Variants in CHN2 observed in about 807,000 individuals in gnomAD.
CHN2 encodes beta-chimaerin.
In CHN2, 35 loss-of-function variants were observed where a neutral mutation model predicts 56.3. The ratio of observed to expected loss-of-function variants is 0.62; its 90% CI spans 0.47 to 0.82. The LOEUF is 0.82. Ranked by LOEUF, CHN2 falls within the 40% of genes least tolerant of loss-of-function variation. The pLI is 0.00. For synonymous variants in CHN2, 210 were observed against 212.8 expected (o/e 0.99, Z 0.12); for missense variants, 491 against 580.5 (o/e 0.85, Z 1.58).
chr7:29,228,912 C>A (rs981019726), intron 1 of CHN2, among the ~76,000 whole-genome samples: 4 of 152,366 alleles, frequency 2.6e-5, no homozygotes, highest in African/African-American at 9.6e-5. Flanking sequence ...TCTGCTTTCA[C>A]GCCCATTCTT....
chr7:29,239,881 G>A (rs1787516627), intron 1 of CHN2, among the ~76,000 whole-genome samples: 1 of 152,240 alleles, frequency 6.6e-6, no homozygotes, highest in Non-Finnish European at 1.5e-5. Flanking sequence ...TCCTATCAGG[G>A]AGAGGGACCC....
intron 1 of CHN2, among the ~76,000 whole-genome samples, chr7:29,253,524 A>G (rs1407095193): frequency 6.6e-6 from 1 of 152,196 alleles, no homozygotes; most frequent in Non-Finnish European, 1.5e-5. Flanking sequence ...GTTTGTGAGG[A>G]AGCAGGGAAT....
At chr7:29,189,236 G>A (rs1799102546) in intron 2 of CHN2, among the ~76,000 whole-genome samples, 1 of 152,098 alleles carries the variant, frequency 6.6e-6, no homozygotes, top group African/African-American at 2.4e-5. Flanking sequence ...ACAGGTGTGA[G>A]CCACCGCGCC....
chr7:29,471,277 C>G (rs547973170), intron 6 of CHN2, among the ~76,000 whole-genome samples: 3 of 152,298 alleles, frequency 2.0e-5, no homozygotes, highest in African/African-American at 7.2e-5. Context: ...ATAACAATGA[C>G]GTGTTGAAAT....
intron 1 of CHN2, among the ~76,000 whole-genome samples, chr7:29,333,807 A>T (rs943877767): frequency 6.6e-6 from 1 of 152,130 alleles, no homozygotes; most frequent in Non-Finnish European, 1.5e-5. Flanking sequence ...AGTATCTTTC[A>T]TAGTGGTGAG....
chr7:29,311,844 C>T (rs544812140), intron 1 of CHN2, among the ~76,000 whole-genome samples: 1 of 152,244 alleles, frequency 6.6e-6, no homozygotes, highest in East Asian at 1.9e-4. Context: ...TTTTAAGCAC[C>T]CACCTGAAAT....
intron 1 of CHN2, among the ~76,000 whole-genome samples, chr7:29,339,575 G>T (rs1042390001): frequency 2.6e-5 from 4 of 152,116 alleles, no homozygotes; most frequent in African/African-American, 9.7e-5. Flanking sequence ...AATGCTAGCC[G>T]GGCACGGTGG....
chr7:29,416,812 C>T (rs1288577958), intron 6 of CHN2, among the ~76,000 whole-genome samples: 1 of 152,112 alleles, frequency 6.6e-6, no homozygotes, highest in Non-Finnish European at 1.5e-5. Flanking sequence ...ATATTTCCAG[C>T]ATTTTTATAC....
rs10630481 is a variant in CHN2, at chr7:29,426,206, C to CAAAA, written c.576+25397_576+25400dup. On this transcript the variant is annotated intron_variant, in intron 6 of 12. Transcript: ENST00000222792. ...CCTGGGTGATAGCGAGACTCTGTCT[C>CAAAA]AAAAAAAAAAAAAAAAAAAAAAGAG... Among the ~76,000 whole-genome samples, 450 of 82,270 alleles carry CAAAA rather than the reference C, an allele frequency of 5.5e-3. 7 individuals are homozygous for CAAAA. The highest frequency in any genetic ancestry group is 6.4e-3 in the African/African-American group (161 of 25,350). 54.0% of individuals were successfully genotyped at this position (82,270 alleles called of 152,430 possible).
chr7:29,401,002 G>A, intron 6 of CHN2, 174 bp downstream of exon 6: 1 of 650,086 alleles, frequency 1.5e-6, no homozygotes, highest in Non-Finnish European at 2.6e-6. Context: ...GGCCGGGCGT[G>A]GTGGCTCATG....
At chr7:29,394,901 CAT>C (rs1204967940) in intron 4 of CHN2, among the ~76,000 whole-genome samples, 3 of 152,186 alleles carry the variant, frequency 2.0e-5, no homozygotes, top group Non-Finnish European at 4.4e-5. Flanking sequence ...TCATGTAAAA[CAT>C]ATGAGAGTCT....
chr7:29,374,339 A>C (rs1222656931), intron 3 of CHN2, among the ~76,000 whole-genome samples: 3 of 152,124 alleles, frequency 2.0e-5, no homozygotes, highest in Non-Finnish European at 2.9e-5. Flanking sequence ...GTTAGAAATA[A>C]AATTTTGACA....
At chr7:29,294,578 G>A (rs1277032465) in intron 1 of CHN2, among the ~76,000 whole-genome samples, 1 of 152,174 alleles carries the variant, frequency 6.6e-6, no homozygotes, top group African/African-American at 2.4e-5. Context: ...ACAGAGAGAA[G>A]CAGCTGAGAT....
In CHN2 at chr7:29,483,758, G is replaced by C. The variant is rs57503671; in HGVS notation, c.654+3402G>C. On this transcript the variant is annotated intron_variant, in intron 7 of 12. Transcript: ENST00000222792. ...ATGGCTGAGCTCTGAAAATCTTCAG[G>C]CCAGCCAACCCCAGAGGCCCGGCAG... 18,002 of 1,082,316 alleles carry C rather than the reference G, an allele frequency of 0.017. 1,186 individuals are homozygous for C. In the African/African-American group the frequency reaches 0.19, roughly 12 times the overall value. The allele number at this position is 1,082,316 out of a possible 1,614,324, so 67.0% of individuals were successfully genotyped here. A position where few individuals can be genotyped will look rare whatever the true frequency, so the allele number is the denominator to read the frequency against.
At chr7:29,497,766 A>G (rs1424480936) in intron 8 of CHN2, among the ~76,000 whole-genome samples, 2 of 152,222 alleles carry the variant, frequency 1.3e-5, no homozygotes, top group African/African-American at 4.8e-5. Flanking sequence ...ATTTTAATAA[A>G]ATATCAGTAT....
chr7:29,245,976 C>T (rs976883065), intron 1 of CHN2, among the ~76,000 whole-genome samples: 2 of 152,190 alleles, frequency 1.3e-5, no homozygotes, highest in Non-Finnish European at 2.9e-5. Flanking sequence ...TTAATGCCAA[C>T]TTCATCTTCT....
chr7:29,442,934 C>CTTTTTTTTTTTCTTTTTTTTTT (rs564931650), intron 6 of CHN2, among the ~76,000 whole-genome samples: 1 of 103,068 alleles, frequency 9.7e-6, no homozygotes, highest in African/African-American at 4.8e-5. Flanking sequence ...CATTGAATTT[C>CTTTTTTTTTTTCTTTTTTTTTT]TTTTTTTTTT....
intron 1 of CHN2, among the ~76,000 whole-genome samples, chr7:29,243,409 G>A (rs967492165): frequency 6.6e-6 from 1 of 152,150 alleles, no homozygotes; most frequent in Admixed American, 6.5e-5. Context: ...TTTCTAAGTT[G>A]AATCAGCTAA....
At chr7:29,415,468 A>G (rs1242058990) in intron 6 of CHN2, among the ~76,000 whole-genome samples, 3 of 152,080 alleles carry the variant, frequency 2.0e-5, no homozygotes, top group East Asian at 1.9e-4. Flanking sequence ...TCTGTTTCCT[A>G]TAGCCAGAAG....
Sources: gnomAD v4.1 joint callset for allele counts (sites outside exome capture counted in the v4.1 genomes callset) on GRCh38, gnomAD v4.1.1 for gene constraint, MANE v1.5 for transcripts, NCBI Gene and HGNC (gene_info 2026-07-23, HGNC 2026-07-21) for gene names.